The following TMEM232 variants were observed in gnomAD, a reference collection of about 807,000 sequenced individuals.
The protein encoded by TMEM232 is transmembrane protein 232.
A neutral mutation model predicts 78.8 loss-of-function variants in TMEM232; 80 were observed. The observed-to-expected ratio is 1.01, with a 90% CI of 0.85 to 1.22. The LOEUF is 1.22. Among genes scored for constraint, TMEM232 ranks in the 50% most tolerant of loss-of-function variants. TMEM232 has a pLI of 0.00. For missense variants in TMEM232, 881 were observed against 742.2 expected (o/e 1.19, Z -2.17); for synonymous variants, 297 against 254.3 (o/e 1.17, Z -1.60).
At position 110,419,539 on chromosome 5, in the gene TMEM232, A is replaced by C. The variant is rs971148970; in HGVS notation, c.*1041T>G. Among the ~76,000 whole-genome samples the C allele has an allele frequency of 6.6e-6, 1 of 152,146 alleles. No individual in the cohort carries two copies. The highest frequency in any genetic ancestry group is 1.5e-5 in the Non-Finnish European group (1 of 67,976). ...TTTATTTTGAAAAATAATCCCATTT[A>C]AAAGCTTCTTGAAAGGCTGGATGAT... On this transcript the variant is annotated 3_prime_UTR_variant, in exon 14 of 14. Transcript: ENST00000455884.
intron 1 of TMEM232, among the ~76,000 whole-genome samples, chr5:110,676,568 T>A (rs912677250): frequency 1.3e-5 from 2 of 151,356 alleles, no homozygotes; most frequent in Admixed American, 6.6e-5. Flanking sequence ...ACCACACCCA[T>A]CTAATGTTTG....
At chr5:110,505,977 C>T (rs181931655) in intron 12 of TMEM232, among the ~76,000 whole-genome samples, 2 of 152,330 alleles carry the variant, frequency 1.3e-5, no homozygotes, top group South Asian at 4.1e-4. Context: ...GTGCTGTCCA[C>T]AGGTGTGGCC....
chr5:110,581,741 G>A (rs1352977076), intron 10 of TMEM232, among the ~76,000 whole-genome samples: 1 of 151,162 alleles, frequency 6.6e-6, no homozygotes, highest in Admixed American at 6.6e-5. Flanking sequence ...CAAAATGAGA[G>A]AAAATATTTG....
Position 110,610,256 on chromosome 5 carries a change from G to GAGGAAGGGAGGAAGGGAGGAAGGA in TMEM232, c.903-3970_903-3969insTCCTTCCTCCCTTCCTCCCTTCCT, listed in dbSNP as rs1554057558. Among the ~76,000 whole-genome samples the GAGGAAGGGAGGAAGGGAGGAAGGA allele has an allele frequency of 3.4e-5, 4 of 117,220 alleles. 1 individual carries two copies. The highest frequency in any genetic ancestry group is 2.5e-4 in the South Asian group (1 of 3,938). The allele number at this position is 117,220 out of a possible 152,430, so 76.9% of individuals were successfully genotyped here. On this transcript the variant is annotated intron_variant, in intron 8 of 13. Coordinates refer to ENST00000455884, the MANE Select transcript of TMEM232 (RefSeq NM_001039763.4). ...AAAGAAAGGAAGGAAGGGAGGAAGGGAGGAAGGGAGGAAGGTGGGTGGGTG... is the reference window on the plus strand; with the variant it reads ...AAAGAAAGGAAGGAAGGGAGGAAGGGAGGAAGGGAGGAAGGGAGGAAGGAAGGAAGGGAGGAAGGTGGGTGGGTG...
chr5:110,682,642 A>G (rs1432980085), intron 1 of TMEM232, among the ~76,000 whole-genome samples: 3 of 152,166 alleles, frequency 2.0e-5, no homozygotes, highest in African/African-American at 7.2e-5. Context: ...TGGTTTTTAT[A>G]TTAAATGATA....
chr5:110,455,624 C>T (rs973106071), intron 12 of TMEM232, among the ~76,000 whole-genome samples: 3 of 151,904 alleles, frequency 2.0e-5, no homozygotes, highest in Admixed American at 6.6e-5. Context: ...GTTATCCACC[C>T]GCCTCAGCCT....
intron 1 of TMEM232, among the ~76,000 whole-genome samples, chr5:110,726,296 A>G (rs1327189491): frequency 6.6e-6 from 1 of 152,178 alleles, no homozygotes; most frequent in Non-Finnish European, 1.5e-5. Flanking sequence ...AGGATAAGCG[A>G]GTCCAGGGGA....
intron 1 of TMEM232, among the ~76,000 whole-genome samples, chr5:110,700,503 A>T (rs1425711106): frequency 6.6e-6 from 1 of 152,066 alleles, no homozygotes; most frequent in Non-Finnish European, 1.5e-5. Context: ...CACTGGTCAG[A>T]TATGCAGATC....
chr5:110,691,552 G>T lies in TMEM232; in HGVS notation c.-12-24188C>A, dbSNP rs76669792. ...AGTGGGCCAAGATGGCTTCAGGTTA[G>T]CCATATGCATAATAAAAACTAGGCC... On this transcript the variant is annotated intron_variant, in intron 1 of 13. Transcript: ENST00000455884. Among the ~76,000 whole-genome samples the T allele has an allele frequency of 2.0e-5, 3 of 152,176 alleles. No individual in the cohort carries two copies. The East Asian group carries it at 5.8e-4, about 29-fold the overall frequency.
At chr5:110,525,346 C>T (rs895575652) in intron 12 of TMEM232, among the ~76,000 whole-genome samples, 1 of 151,686 alleles carries the variant, frequency 6.6e-6, no homozygotes, top group Non-Finnish European at 1.5e-5. Context: ...CTGAATTTAC[C>T]AAGTTAGTAG....
upstream of TMEM232, chr5:110,726,941 C>A (rs1048210572): frequency 2.0e-5 from 3 of 152,210 alleles, no homozygotes; most frequent in Non-Finnish European, 4.4e-5. Flanking sequence ...TTTAATGTCT[C>A]CTCAGTGTCT....
At chr5:110,441,396 T>C (rs1759027283) in intron 12 of TMEM232, among the ~76,000 whole-genome samples, 1 of 152,178 alleles carries the variant, frequency 6.6e-6, no homozygotes, top group Admixed American at 6.6e-5. Context: ...TGATTGCTAA[T>C]GTTCTCTGTC....
intron 10 of TMEM232, among the ~76,000 whole-genome samples, chr5:110,575,222 A>G (rs1196735325): frequency 6.6e-6 from 1 of 152,086 alleles, no homozygotes; most frequent in Non-Finnish European, 1.5e-5. Flanking sequence ...GTTATTTTGC[A>G]TATATCATCA....
At chr5:110,645,588 C>T (rs550480139) in intron 2 of TMEM232, among the ~76,000 whole-genome samples, 44 of 151,218 alleles carry the variant, frequency 2.9e-4, no homozygotes, top group African/African-American at 9.9e-4. Flanking sequence ...GAATAAAGAC[C>T]ATCATATCAA....
chr5:110,453,698 C>G (rs531446109), intron 12 of TMEM232, among the ~76,000 whole-genome samples: 1 of 152,230 alleles, frequency 6.6e-6, no homozygotes, highest in Non-Finnish European at 1.5e-5. Flanking sequence ...AATTTTAGCC[C>G]TGACTATGCT....
chr5:110,724,416 T>G (rs1485447662), intron 1 of TMEM232, among the ~76,000 whole-genome samples: 1 of 152,182 alleles, frequency 6.6e-6, no homozygotes, highest in East Asian at 1.9e-4. Flanking sequence ...ACATCTAAAC[T>G]GTGTATAACT....
chr5:110,587,051 T>C (rs1350093390), intron 10 of TMEM232, among the ~76,000 whole-genome samples: 1 of 152,096 alleles, frequency 6.6e-6, no homozygotes, highest in East Asian at 1.9e-4. Context: ...AAAGCAGTAT[T>C]AGACAAATGT....
At chr5:110,515,965 C>G (rs1001649260) in intron 12 of TMEM232, among the ~76,000 whole-genome samples, 1 of 152,190 alleles carries the variant, frequency 6.6e-6, no homozygotes, top group African/African-American at 2.4e-5. Context: ...TGAGGCCGGG[C>G]ACGGTGGCTC....
At chr5:110,663,678 T>G (rs1208797199) in intron 2 of TMEM232, among the ~76,000 whole-genome samples, 1 of 135,286 alleles carries the variant, frequency 7.4e-6, no homozygotes, top group African/African-American at 2.6e-5. Context: ...TAGGTGTTGG[T>G]GAAGATAAGA....
Sources: allele counts gnomAD v4.1 joint callset (sites outside exome capture counted in the v4.1 genomes callset), GRCh38; gene constraint gnomAD v4.1.1; transcripts MANE v1.5; gene names NCBI Gene and HGNC (gene_info 2026-07-23, HGNC 2026-07-21).